The following RALGAPA2 variants were observed in gnomAD, a reference collection of about 807,000 sequenced individuals.
RALGAPA2 encodes ral GTPase-activating protein subunit alpha-2.
In RALGAPA2, 139 loss-of-function variants were observed where a neutral mutation model predicts 230.4. The ratio of observed to expected loss-of-function variants is 0.60; its 90% CI spans 0.53 to 0.69. The LOEUF (loss-of-function observed/expected upper bound fraction) is 0.69. Ranked by LOEUF, RALGAPA2 falls within the 30% of genes least tolerant of loss-of-function variation. The pLI, the probability that RALGAPA2 is intolerant of heterozygous loss-of-function variation, is 0.00. For synonymous variants in RALGAPA2, 847 were observed against 837.8 expected (o/e 1.01, Z -0.19); for missense variants, 2,163 against 2,276.0 (o/e 0.95, Z 1.01).
At chr20:20,416,095 A>C (rs2060159560) in intron 37 of RALGAPA2, among the ~76,000 whole-genome samples, 1 of 152,190 alleles carries the variant, frequency 6.6e-6, no homozygotes, top group African/African-American at 2.4e-5. Context: ...TTGTCCTACT[A>C]AATGTAAAAT....
chr20:20,615,619 C>T (rs965055667), intron 13 of RALGAPA2, among the ~76,000 whole-genome samples: 1 of 152,152 alleles, frequency 6.6e-6, no homozygotes, highest in Non-Finnish European at 1.5e-5. Context: ...TATTTAGTTT[C>T]TGATAATTTA....
At chr20:20,594,991 A>G (rs1333031980) in intron 16 of RALGAPA2, among the ~76,000 whole-genome samples, 3 of 152,096 alleles carry the variant, frequency 2.0e-5, no homozygotes, top group African/African-American at 4.8e-5. Flanking sequence ...AAGTATTGGG[A>G]TTACAAAGTG....
chr20:20,668,551 C>A (rs568800905), intron 3 of RALGAPA2, among the ~76,000 whole-genome samples: 1 of 152,276 alleles, frequency 6.6e-6, no homozygotes, highest in African/African-American at 2.4e-5. Context: ...ACATAAAAAA[C>A]ATGGAGTTAG....
chr20:20,702,332 T>C (rs910018210), intron 1 of RALGAPA2, among the ~76,000 whole-genome samples: 4 of 152,256 alleles, frequency 2.6e-5, no homozygotes, highest in African/African-American at 9.6e-5. Flanking sequence ...AGAGATTTAT[T>C]GGGGTAAATG....
intron 3 of RALGAPA2, among the ~76,000 whole-genome samples, chr20:20,665,945 A>T (rs902837222): frequency 5.9e-5 from 9 of 152,236 alleles, no homozygotes; most frequent in African/African-American, 2.2e-4. Context: ...CTCTACTGTG[A>T]TCCCTGCAGA....
In RALGAPA2 at chr20:20,571,623, A is replaced by C. The variant is rs953869654; in HGVS notation, c.3001-10T>G. 1.2e-6 allele frequency: 2 copies of C among 1,605,850 alleles called. No homozygotes were observed. The highest frequency in any genetic ancestry group is 1.7e-6 in the Non-Finnish European group (2 of 1,176,124). Reference sequence around the variant, plus strand: ...TTGGCAGTGTCGCCGCCTGTCAAGGAGATGATGTTTCCAGATTAAATCAAG... The same window carrying C: ...TTGGCAGTGTCGCCGCCTGTCAAGGCGATGATGTTTCCAGATTAAATCAAG... On this transcript the variant is annotated splice_polypyrimidine_tract_variant and intron_variant, in intron 22 of 39. Transcript: ENST00000202677.
intron 5 of RALGAPA2, among the ~76,000 whole-genome samples, chr20:20,641,143 T>C (rs531678590): frequency 3.9e-5 from 6 of 152,250 alleles, no homozygotes; most frequent in South Asian, 4.2e-4. Flanking sequence ...ACTTAACTTC[T>C]CCATGCCTTA....
chr20:20,442,841 T>G (rs1017128649), intron 37 of RALGAPA2, among the ~76,000 whole-genome samples: 2 of 152,252 alleles, frequency 1.3e-5, no homozygotes, highest in African/African-American at 4.8e-5. Context: ...AAAAATTGTG[T>G]GATGCCCACT....
At chr20:20,509,272 G>C (rs764752845) in intron 33 of RALGAPA2, among the ~76,000 whole-genome samples, 5 of 152,140 alleles carry the variant, frequency 3.3e-5, no homozygotes, top group Non-Finnish European at 7.4e-5. Context: ...AGAAATGGCA[G>C]CTTCAGGTTT....
Position 20,422,472 on chromosome 20 carries a change from G to A in RALGAPA2, c.5496-10324C>T, listed in dbSNP as rs536491005. On this transcript the variant is annotated intron_variant, in intron 37 of 39. Coordinates refer to ENST00000202677, the MANE Select transcript of RALGAPA2 (RefSeq NM_020343.4). ...TGTGGTTCCAGCTGGTCAGGAGGCT[G>A]AGGTGAGAGGATCGCTTGAGCCTGG... Among the ~76,000 whole-genome samples, 154 of 152,228 alleles carry A rather than the reference G, an allele frequency of 1.0e-3. 2 individuals are homozygous for A. Among genetic ancestry groups the A allele is most frequent in the Admixed American group, 4.4e-3 (67 of 15,296 alleles).
chr20:20,498,173 CA>C (rs2062267677), intron 35 of RALGAPA2, among the ~76,000 whole-genome samples: 2 of 152,104 alleles, frequency 1.3e-5, no homozygotes, highest in Non-Finnish European at 1.5e-5. Flanking sequence ...ATTAGAAACC[CA>C]TCAGTGAGTT....
At chr20:20,640,991 G>A in intron 5 of RALGAPA2, 113 bp from the exon 6 acceptor site, 2 of 921,924 alleles carry the variant, frequency 2.2e-6, no homozygotes, top group Admixed American at 2.8e-5. Context: ...GTGTTAAGTA[G>A]TAAACCAAAT....
chr20:20,534,369 C>T (rs1225881605), intron 26 of RALGAPA2, among the ~76,000 whole-genome samples: 4 of 151,578 alleles, frequency 2.6e-5, no homozygotes, highest in East Asian at 1.9e-4. Flanking sequence ...GGCGTGAACC[C>T]GGGAGGTGGA....
chr20:20,573,050 G>C lies in RALGAPA2; in HGVS notation c.2726C>G (p.Thr909Arg). The change falls in exon 21 of 40, where the codon ACA (threonine) becomes AGA (arginine). Residue 909 changes from threonine to arginine, a missense_variant. Thr to Arg is a moderately conservative substitution (Grantham distance 71, BLOSUM62 -1). Coordinates refer to ENST00000202677, the MANE Select transcript of RALGAPA2 (RefSeq NM_020343.4). Reference sequence around the variant, plus strand: ...CCCGGCGATTATACTACAGTCATCTGTGAGGCACTCGCTGCTATCTATGCA... The same window carrying C: ...CCCGGCGATTATACTACAGTCATCTCTGAGGCACTCGCTGCTATCTATGCA... ...SNLTDSSECL[T>R]DDCSIIAGGS... The C allele has an allele frequency of 6.2e-7, 1 of 1,607,228 alleles. No individual in the cohort carries two copies. The highest frequency in any genetic ancestry group is 8.5e-7 in the Non-Finnish European group (1 of 1,176,616).
At chr20:20,691,083 G>T (rs974140616) in intron 1 of RALGAPA2, among the ~76,000 whole-genome samples, 4 of 152,078 alleles carry the variant, frequency 2.6e-5, no homozygotes, top group African/African-American at 4.8e-5. Flanking sequence ...AGACCTGATG[G>T]TTACTTACAA....
At chr20:20,557,179 G>A (rs2064109285) in intron 23 of RALGAPA2, among the ~76,000 whole-genome samples, 2 of 152,044 alleles carry the variant, frequency 1.3e-5, no homozygotes, top group Admixed American at 1.3e-4. Flanking sequence ...GCGTGGTGGT[G>A]GGCACCTGTA....
intron 36 of RALGAPA2, among the ~76,000 whole-genome samples, chr20:20,476,713 AT>A (rs1283562561): frequency 3.3e-5 from 5 of 150,350 alleles, no homozygotes; most frequent in East Asian, 1.9e-4. Context: ...AAATAAATAA[AT>A]AAATAAAAGA....
At chr20:20,464,549 T>C (rs1487281748) in intron 37 of RALGAPA2, among the ~76,000 whole-genome samples, 1 of 152,216 alleles carries the variant, frequency 6.6e-6, no homozygotes, top group Non-Finnish European at 1.5e-5. Flanking sequence ...CCTTCTTGTC[T>C]GCAAGGTTTC....
At chr20:20,490,412 A>G (rs894624218) in intron 36 of RALGAPA2, among the ~76,000 whole-genome samples, 2 of 152,240 alleles carry the variant, frequency 1.3e-5, no homozygotes, top group African/African-American at 4.8e-5. Context: ...AATCCATTTA[A>G]TAACCTATTT....
Sources: allele counts gnomAD v4.1 joint callset (sites outside exome capture counted in the v4.1 genomes callset), GRCh38; gene constraint gnomAD v4.1.1; transcripts MANE v1.5; gene names NCBI Gene and HGNC (gene_info 2026-07-23, HGNC 2026-07-21).